Variants in NIM1K observed in about 807,000 individuals in gnomAD.
The protein encoded by NIM1K is serine/threonine-protein kinase NIM1.
NIM1K carries 35 observed loss-of-function variants against 37.1 expected under a neutral mutation model. The observed-to-expected ratio is 0.94, with a 90% CI of 0.72 to 1.25. The LOEUF (loss-of-function observed/expected upper bound fraction) is 1.25, where lower values mean the gene tolerates loss of function less well. Among genes scored for constraint, NIM1K ranks in the 50% most tolerant of loss-of-function variants. The probability of loss-of-function intolerance (pLI) is 0.00; values close to 1 mark genes in which losing one functional copy is unlikely to be tolerated. For synonymous variants in NIM1K, 234 were observed against 206.6 expected, an observed-to-expected ratio of 1.13 and a Z score of -1.14; for missense variants, 564 against 548.0, an observed-to-expected ratio of 1.03 and a Z score of -0.29.
chr5:43,253,213 T>TAATATA (rs1561088044), intron 2 of NIM1K, among the ~76,000 whole-genome samples: 4,580 of 59,916 alleles, frequency 0.076, 95 homozygotes, highest in Non-Finnish European at 0.11. Context: ...ATATAATATA[T>TAATATA]GTGTGTGTGT....
At chr5:43,271,102 T>C (rs985279533) in intron 2 of NIM1K, among the ~76,000 whole-genome samples, 1 of 151,634 alleles carries the variant, frequency 6.6e-6, no homozygotes, top group Admixed American at 6.6e-5. Flanking sequence ...TTTTTTTTTT[T>C]CAAGTGGCAG....
intron 1 of NIM1K, among the ~76,000 whole-genome samples, chr5:43,199,207 ATATATAT>A (rs1348382822): frequency 0.1 from 6,938 of 67,228 alleles, 1,102 homozygotes; most frequent in Admixed American, 0.13. Flanking sequence ...AAAAAAAAAT[ATATATAT>A]ATATATATAT....
chr5:43,233,312 T>A (rs1270071848), intron 1 of NIM1K: 11 of 303,524 alleles, frequency 3.6e-5, no homozygotes, highest in South Asian at 2.1e-4. Flanking sequence ...GAGTGACACT[T>A]AAAAAAAAAA....
chr5:43,230,295 T>A (rs1752518973), intron 1 of NIM1K, among the ~76,000 whole-genome samples: 1 of 152,080 alleles, frequency 6.6e-6, no homozygotes, highest in African/African-American at 2.4e-5. Context: ...GGCTTCCATC[T>A]TGGTCCAAGG....
chr5:43,260,612 GA>G (rs778109952), intron 2 of NIM1K, among the ~76,000 whole-genome samples: 3 of 151,860 alleles, frequency 2.0e-5, no homozygotes, highest in Admixed American at 6.6e-5. Flanking sequence ...AGAGAGCACA[GA>G]TTTTTTTATT....
chr5:43,266,043 G>T (rs1186212649), intron 2 of NIM1K, among the ~76,000 whole-genome samples: 1 of 152,196 alleles, frequency 6.6e-6, no homozygotes, highest in Admixed American at 6.5e-5. Flanking sequence ...CTACTGGGAG[G>T]TGCCGCTCAG....
At chr5:43,273,493 G>A (rs1753290001) in intron 2 of NIM1K, among the ~76,000 whole-genome samples, 1 of 152,130 alleles carries the variant, frequency 6.6e-6, no homozygotes, top group Non-Finnish European at 1.5e-5. Flanking sequence ...ACAGGTGTGA[G>A]GCATCACACC....
At chr5:43,278,535 A>G (rs1378355286) in intron 3 of NIM1K, among the ~76,000 whole-genome samples, 1 of 152,208 alleles carries the variant, frequency 6.6e-6, no homozygotes, top group African/African-American at 2.4e-5. Context: ...AGTTTTAGTC[A>G]GTCACCATCT....
At chr5:43,263,545 C>T (rs1183310690) in intron 2 of NIM1K, among the ~76,000 whole-genome samples, 3 of 148,368 alleles carry the variant, frequency 2.0e-5, no homozygotes, top group Non-Finnish European at 4.5e-5. Context: ...TTTTGTTGAT[C>T]TTTTCAAAAA....
intron 2 of NIM1K, among the ~76,000 whole-genome samples, chr5:43,275,712 G>T (rs561431924): frequency 6.6e-6 from 1 of 152,208 alleles, no homozygotes; most frequent in East Asian, 1.9e-4. Context: ...GGTTAGCTGA[G>T]ATTACAGTAC....
intron 1 of NIM1K, among the ~76,000 whole-genome samples, chr5:43,241,560 C>T (rs972496416): frequency 1.3e-5 from 2 of 151,790 alleles, no homozygotes; most frequent in African/African-American, 4.9e-5. Context: ...AGGAGGATAT[C>T]GATCTCTTGA....
chr5:43,214,825 A>AAAC (rs1752276097), intron 1 of NIM1K, among the ~76,000 whole-genome samples: 1 of 148,558 alleles, frequency 6.7e-6, no homozygotes, highest in African/African-American at 2.5e-5. Context: ...AAAAAAAAAA[A>AAAC]AAAAAACAAA....
chr5:43,227,787 A>C (rs1372629463), intron 1 of NIM1K, among the ~76,000 whole-genome samples: 69 of 152,280 alleles, frequency 4.5e-4, no homozygotes, highest in Non-Finnish European at 4.4e-5. Flanking sequence ...AGAAGGGGGC[A>C]ATGTGACACT....
Position 43,280,423 on chromosome 5 carries a change from A to G in NIM1K, c.1005A>G (p.Glu335=). ...MQGVPYPTPL[E]PFQLDPKHLS... ...GGGTGCCATACCCTACACCTTTGGA[A>G]CCTTTCCAACTGGATCCCAAACATT... The change falls in exon 4 of 4, where the codon GAA becomes GAG. Residue 335 remains glutamate (E), a synonymous_variant. Coordinates refer to ENST00000326035, the MANE Select transcript of NIM1K (RefSeq NM_153361.4). 1 of 1,614,196 alleles carries G rather than the reference A, an allele frequency of 6.2e-7. No individual in the cohort carries two copies. The highest frequency in any genetic ancestry group is 8.5e-7 in the Non-Finnish European group (1 of 1,180,044).
intron 2 of NIM1K, among the ~76,000 whole-genome samples, chr5:43,260,908 G>T (rs537088426): frequency 6.6e-6 from 1 of 152,222 alleles, no homozygotes; most frequent in African/African-American, 2.4e-5. Flanking sequence ...ATGGTTTCCA[G>T]CTTCATCCAT....
intron 2 of NIM1K, among the ~76,000 whole-genome samples, chr5:43,270,298 A>C (rs150578764): frequency 6.6e-4 from 100 of 152,312 alleles, no homozygotes; most frequent in Admixed American, 2.2e-3. Context: ...GAGAAGAAAG[A>C]AAGCTTTTTT....
chr5:43,258,444 C>CT (rs747012000), intron 2 of NIM1K, among the ~76,000 whole-genome samples: 2,748 of 141,756 alleles, frequency 0.019, 65 homozygotes, highest in East Asian at 0.091. Flanking sequence ...TTTTGGTAAA[C>CT]TTTTTTTTTT....
chr5:43,277,091 G>C lies in NIM1K; in HGVS notation c.327G>C (p.Lys109Asn). The change falls in exon 3 of 4, where the codon AAG becomes AAC. Residue 109 changes from lysine to asparagine, a missense_variant. Transcript: ENST00000326035. Reference protein sequence around the residue: ...KVAIKILDKTKLDQKTQRLLS... With the variant: ...KVAIKILDKTNLDQKTQRLLS... ...CCATTAAGATCCTGGACAAGACCAA[G>C]TTAGACCAGAAAACCCAGAGGCTAC... The C allele has an allele frequency of 6.2e-7, 1 of 1,614,098 alleles. No homozygotes were observed. Among genetic ancestry groups the C allele is most frequent in the South Asian group, 1.1e-5 (1 of 91,070 alleles).
chr5:43,198,207 C>CTTTCTTTCTCTTTCTTTCTTTCTT (rs1281355308), intron 1 of NIM1K, among the ~76,000 whole-genome samples: 1 of 48,894 alleles, frequency 2.0e-5, no homozygotes, highest in South Asian at 8.7e-4. Flanking sequence ...TTCTTTCTTT[C>CTTTCTTTCTCTTTCTTTCTTTCTT]TCTTTCTTTC....
Sources: gnomAD v4.1 joint callset for allele counts (sites outside exome capture counted in the v4.1 genomes callset) on GRCh38, gnomAD v4.1.1 for gene constraint, MANE v1.5 for transcripts, NCBI Gene and HGNC (gene_info 2026-07-23, HGNC 2026-07-21) for gene names.